The following FBXL4 variants were observed in gnomAD, a reference collection of about 807,000 sequenced individuals.
The protein encoded by FBXL4 is F-box/LRR-repeat protein 4.
FBXL4 carries 40 observed loss-of-function variants against 58.9 expected under a neutral mutation model. The ratio of observed to expected loss-of-function variants is 0.68; its 90% CI spans 0.53 to 0.88. The LOEUF is 0.88. FBXL4 is among the 40% of genes least tolerant of loss of function. The pLI, the probability that FBXL4 is intolerant of heterozygous loss-of-function variation, is 0.00. For missense variants in FBXL4, 676 were observed against 734.4 expected (o/e 0.92, Z 0.92); for synonymous variants, 263 against 265.5 (o/e 0.99, Z 0.09).
intron 7 of FBXL4, among the ~76,000 whole-genome samples, chr6:98,890,195 A>G (rs888481910): frequency 6.6e-6 from 1 of 152,134 alleles, no homozygotes; most frequent in South Asian, 2.1e-4. Flanking sequence ...AAAGAATGTA[A>G]CCCTTAATTA....
At chr6:98,909,193 T>C (rs970955330) in intron 5 of FBXL4, among the ~76,000 whole-genome samples, 1 of 152,230 alleles carries the variant, frequency 6.6e-6, no homozygotes, top group African/African-American at 2.4e-5. Flanking sequence ...TTTGGCTGTA[T>C]ACTGGACCAC....
intron 7 of FBXL4, among the ~76,000 whole-genome samples, chr6:98,880,997 A>C (rs2128379152): frequency 6.6e-6 from 1 of 152,324 alleles, no homozygotes; most frequent in South Asian, 2.1e-4. Flanking sequence ...AAAAACAAAA[A>C]GACAAAAAAC....
Position 98,872,236 on chromosome 6 carries a change from T to A in FBXL4, c.*2042A>T, listed in dbSNP as rs1364610695. ...AATTTAACAGTGCAATTGAGGAGCT[T>A]CTGCCTAGTCTTCAATTGGAAGTGA... On this transcript the variant is annotated 3_prime_UTR_variant, in exon 10 of 10. Coordinates refer to ENST00000369244, the MANE Select transcript of FBXL4 (RefSeq NM_001278716.2). 2 of 152,310 alleles carry A rather than the reference T, an allele frequency of 1.3e-5. No homozygotes were observed. The highest frequency in any genetic ancestry group is 1.9e-4 in the East Asian group (1 of 5,182). The allele number at this position is 152,310 out of a possible 1,614,324, so 9.4% of individuals were successfully genotyped here.
chr6:98,911,903 A>T (rs1345547440), intron 5 of FBXL4, among the ~76,000 whole-genome samples: 1 of 152,210 alleles, frequency 6.6e-6, no homozygotes, highest in Non-Finnish European at 1.5e-5. Context: ...ATTCAAACCA[A>T]AGGCAAAGAA....
intron 8 of FBXL4, 31 bp from the exon 9 acceptor site, chr6:98,875,758 T>C: frequency 6.2e-7 from 1 of 1,600,840 alleles, no homozygotes; most frequent in Non-Finnish European, 8.5e-7. Flanking sequence ...ATCTTTTACA[T>C]GTTATGCTCA....
intron 1 of FBXL4, among the ~76,000 whole-genome samples, chr6:98,935,766 G>C (rs1008854309): frequency 1.0e-4 from 15 of 146,904 alleles, no homozygotes; most frequent in Non-Finnish European, 1.5e-4. Flanking sequence ...TCCGCAGTCT[G>C]GCCTGGGCGA....
chr6:98,894,988 T>C (rs1288052159), intron 7 of FBXL4, among the ~76,000 whole-genome samples: 3 of 152,184 alleles, frequency 2.0e-5, no homozygotes, highest in Non-Finnish European at 4.4e-5. Flanking sequence ...CACAGTTCTA[T>C]TCTCCTGAGG....
At chr6:98,929,571 CAAA>C (rs1169039097) in intron 2 of FBXL4, among the ~76,000 whole-genome samples, 5 of 90,716 alleles carry the variant, frequency 5.5e-5, no homozygotes, top group Admixed American at 1.1e-4. Flanking sequence ...AACTCCGTCT[CAAA>C]AAAAAAAAAA....
At chr6:98,911,356 G>A (rs1335190291) in intron 5 of FBXL4, among the ~76,000 whole-genome samples, 1 of 152,182 alleles carries the variant, frequency 6.6e-6, no homozygotes, top group Non-Finnish European at 1.5e-5. Flanking sequence ...CTGGAGATCT[G>A]AGAACGGGCA....
chr6:98,893,616 T>A (rs368044141), intron 7 of FBXL4, among the ~76,000 whole-genome samples: 5 of 152,210 alleles, frequency 3.3e-5, no homozygotes, highest in African/African-American at 9.7e-5. Flanking sequence ...ATTCAGCCCA[T>A]AACACAAGTA....
At chr6:98,916,452 T>G (rs1772350611) in intron 5 of FBXL4, among the ~76,000 whole-genome samples, 1 of 151,472 alleles carries the variant, frequency 6.6e-6, no homozygotes, top group African/African-American at 2.4e-5. Context: ...ATTAAGAAAA[T>G]GTGGCACATA....
At chr6:98,903,630 T>C (rs1278517950) in intron 6 of FBXL4, among the ~76,000 whole-genome samples, 4 of 152,132 alleles carry the variant, frequency 2.6e-5, no homozygotes, top group African/African-American at 9.6e-5. Flanking sequence ...ATTTTTTAAA[T>C]GGCATGGCTA....
intron 5 of FBXL4, among the ~76,000 whole-genome samples, chr6:98,907,739 C>T (rs951568656): frequency 3.3e-5 from 5 of 151,946 alleles, no homozygotes; most frequent in Non-Finnish European, 7.4e-5. Flanking sequence ...AACCTAAATG[C>T]TCTTCTTCAA....
intron 5 of FBXL4, among the ~76,000 whole-genome samples, chr6:98,911,490 A>G (rs1447491788): frequency 6.6e-6 from 1 of 152,202 alleles, no homozygotes; most frequent in Non-Finnish European, 1.5e-5. Context: ...AAACTTCCAG[A>G]GAAATGATCA....
chr6:98,942,028 A>G (rs1773451704), intron 1 of FBXL4, among the ~76,000 whole-genome samples: 1 of 152,078 alleles, frequency 6.6e-6, no homozygotes, highest in Non-Finnish European at 1.5e-5. Flanking sequence ...TAACATCTAT[A>G]TAAGATAAAG....
rs142988015 is a variant in FBXL4, at chr6:98,874,273, T to C, written c.*5A>G. On this transcript the variant is annotated 3_prime_UTR_variant, in exon 10 of 10. Coordinates refer to ENST00000369244, the MANE Select transcript of FBXL4 (RefSeq NM_001278716.2). ...CATTAATTTTAATACAGAACATATATTAAGTCACTGAGTAAAGCTCTTTTT... is the reference window on the plus strand; with the variant it reads ...CATTAATTTTAATACAGAACATATACTAAGTCACTGAGTAAAGCTCTTTTT... 1,021 of 1,575,596 alleles carry C rather than the reference T, an allele frequency of 6.5e-4. 7 individuals carry two copies. In the African/African-American group the frequency reaches 0.012, roughly 18 times the overall value.
At chr6:98,927,596 A>G (rs1772839744) in intron 3 of FBXL4, 109 bp downstream of exon 3, 1 of 152,620 alleles carries the variant, frequency 6.6e-6, no homozygotes, top group African/African-American at 2.4e-5. Flanking sequence ...CTTACACATC[A>G]CAGATCACAG....
intron 8 of FBXL4, among the ~76,000 whole-genome samples, chr6:98,877,680 T>C (rs1305434926): frequency 6.6e-6 from 1 of 152,152 alleles, no homozygotes; most frequent in Admixed American, 6.5e-5. Flanking sequence ...ATAGGGCAAA[T>C]GTCACAGAGG....
intron 7 of FBXL4, among the ~76,000 whole-genome samples, chr6:98,882,526 T>G (rs996502315): frequency 6.6e-6 from 1 of 152,070 alleles, no homozygotes; most frequent in Admixed American, 6.6e-5. Context: ...ACTTGTTTGG[T>G]AATTTATTTT....
Sources: gnomAD v4.1 joint callset for allele counts (sites outside exome capture counted in the v4.1 genomes callset) on GRCh38, gnomAD v4.1.1 for gene constraint, MANE v1.5 for transcripts, NCBI Gene and HGNC (gene_info 2026-07-23, HGNC 2026-07-21) for gene names.